The following NTRK3 variants were observed in gnomAD, a reference collection of about 807,000 sequenced individuals.
NTRK3 encodes NT-3 growth factor receptor.
NTRK3 carries 24 observed loss-of-function variants against 91.7 expected under a neutral mutation model. The ratio of observed to expected loss-of-function variants is 0.26; its 90% CI spans 0.19 to 0.37. The LOEUF is 0.37. NTRK3 is among the 10% of genes least tolerant of loss of function. The pLI is 1.00. For synonymous variants in NTRK3, 483 were observed against 404.0 expected (o/e 1.20, Z -2.34); for missense variants, 880 against 1,068.9 (o/e 0.82, Z 2.46).
chr15:87,982,138 C>T (rs1281764805), intron 14 of NTRK3, among the ~76,000 whole-genome samples: 2 of 152,162 alleles, frequency 1.3e-5, no homozygotes, highest in East Asian at 1.9e-4. Context: ...TGAACATGAG[C>T]CCTTTCCCAT....
intron 3 of NTRK3, among the ~76,000 whole-genome samples, chr15:88,229,609 T>A (rs2050995141): frequency 6.6e-6 from 1 of 152,190 alleles, no homozygotes; most frequent in Admixed American, 6.5e-5. Flanking sequence ...TTAACTCTTG[T>A]CAGAGTTAGA....
chr15:88,216,964 T>A (rs1296559320), intron 3 of NTRK3, among the ~76,000 whole-genome samples: 1 of 152,192 alleles, frequency 6.6e-6, no homozygotes, highest in African/African-American at 2.4e-5. Flanking sequence ...GTTTGAAGTT[T>A]GACATTAACA....
chr15:88,013,780 T>C (rs1414519822), intron 14 of NTRK3, among the ~76,000 whole-genome samples: 1 of 152,070 alleles, frequency 6.6e-6, no homozygotes, highest in Non-Finnish European at 1.5e-5. Context: ...GGTAGGTGGA[T>C]TGACTGAGCC....
intron 5 of NTRK3, among the ~76,000 whole-genome samples, chr15:88,148,411 C>T (rs1005566517): frequency 2.0e-5 from 3 of 152,058 alleles, no homozygotes; most frequent in African/African-American, 4.8e-5. Context: ...GTATCAACAC[C>T]GTGATGTAAG....
chr15:88,102,850 A>G (rs539647897), intron 13 of NTRK3, among the ~76,000 whole-genome samples: 1 of 152,156 alleles, frequency 6.6e-6, no homozygotes, highest in Non-Finnish European at 1.5e-5. Context: ...GCCTGTCTCT[A>G]TTAGCTCAAA....
intron 17 of NTRK3, among the ~76,000 whole-genome samples, chr15:87,912,262 G>T (rs1255392922): frequency 6.6e-6 from 1 of 152,188 alleles, no homozygotes; most frequent in African/African-American, 2.4e-5. Context: ...TAGAAAAATA[G>T]ATCATGGAAC....
intron 3 of NTRK3, among the ~76,000 whole-genome samples, chr15:88,249,485 G>A (rs184317580): frequency 3.9e-4 from 59 of 152,278 alleles, no homozygotes; most frequent in African/African-American, 9.1e-4. Context: ...GAGTGTGCCC[G>A]GGAAGAGAAG....
Position 88,235,942 on chromosome 15 carries a change from C to T in NTRK3, c.248+19964G>A, listed in dbSNP as rs986427973. On this transcript the variant is annotated intron_variant, in intron 3 of 18. Transcript: ENST00000394480. The surrounding 1 kb of genome is among the most constrained non-coding windows in gnomAD (Gnocchi z 5.2). Reference sequence around the variant, plus strand: ...AAGGCAAAGATACAAGGTCCTGTTTCGATGAGTCACATAAATGTGTCTCTC... The same window carrying T: ...AAGGCAAAGATACAAGGTCCTGTTTTGATGAGTCACATAAATGTGTCTCTC... Among the ~76,000 whole-genome samples the T allele has an allele frequency of 1.3e-5, 2 of 152,166 alleles. No individual in the cohort carries two copies. Among genetic ancestry groups the T allele is most frequent in the African/African-American group, 2.4e-5 (1 of 41,438 alleles).
chr15:88,175,592 A>G (rs1225400955), intron 5 of NTRK3, among the ~76,000 whole-genome samples: 1 of 152,184 alleles, frequency 6.6e-6, no homozygotes, highest in East Asian at 1.9e-4. Flanking sequence ...GATGATATTG[A>G]TATTGATCAT....
chr15:88,054,701 C>T (rs575963854), intron 13 of NTRK3, among the ~76,000 whole-genome samples: 4 of 152,060 alleles, frequency 2.6e-5, no homozygotes, highest in South Asian at 4.2e-4. Context: ...ATCTCAATTT[C>T]CCCCTGGGTC....
intron 13 of NTRK3, 130 bp from the exon 14 acceptor site, chr15:88,033,175 GTT>G (rs1491533927): frequency 9.0e-6 from 2 of 223,080 alleles, no homozygotes; most frequent in African/African-American, 1.9e-4. Context: ...TGGGGGGTGT[GTT>G]ATATATATAT....
intron 14 of NTRK3, among the ~76,000 whole-genome samples, chr15:88,007,805 T>C (rs1012232435): frequency 5.3e-5 from 8 of 152,186 alleles, no homozygotes; most frequent in Non-Finnish European, 1.0e-4. Context: ...TCTTGGGCAA[T>C]CCACTTGATC....
chr15:88,017,888 C>G (rs1428044637), intron 14 of NTRK3, among the ~76,000 whole-genome samples: 1 of 152,144 alleles, frequency 6.6e-6, no homozygotes, highest in Non-Finnish European at 1.5e-5. Context: ...AGTTTAATCC[C>G]AACACTTCTT....
chr15:87,977,503 T>C lies in NTRK3; in HGVS notation c.1586-36750A>G, dbSNP rs1402238173. The C allele has an allele frequency of 2.7e-5, 6 of 224,422 alleles. No individual in the cohort carries two copies. The East Asian group carries it at 3.8e-4, about 14-fold the overall frequency. 13.9% of individuals were successfully genotyped at this position (224,422 alleles called of 1,614,324 possible). ...AAAAGATGCTGGGATGGATGGAGCC[T>C]GGGAGGCTGGAAATGAGGTAATGAT... is the stretch of plus-strand genomic sequence containing the variant. On this transcript the variant is annotated intron_variant, in intron 14 of 18. Transcript: ENST00000394480.
intron 13 of NTRK3, among the ~76,000 whole-genome samples, chr15:88,049,553 G>T (rs1038014735): frequency 6.6e-6 from 1 of 152,172 alleles, no homozygotes; most frequent in African/African-American, 2.4e-5. Context: ...TAAGCAAAAT[G>T]ATATATGTAA....
intron 3 of NTRK3, among the ~76,000 whole-genome samples, chr15:88,188,024 G>A (rs1282203997): frequency 6.6e-6 from 1 of 152,066 alleles, no homozygotes; most frequent in African/African-American, 2.4e-5. Context: ...TGGTTTCCCT[G>A]TTCCAGGACC....
At chr15:87,979,573 G>A (rs767326416) in intron 14 of NTRK3, 3 of 725,262 alleles carry the variant, frequency 4.1e-6, no homozygotes, top group South Asian at 1.6e-5. Flanking sequence ...AGCTTGAAAG[G>A]GGAAGAACTG....
intron 13 of NTRK3, among the ~76,000 whole-genome samples, chr15:88,060,563 G>A (rs1482306283): frequency 1.3e-5 from 2 of 152,002 alleles, no homozygotes; most frequent in Non-Finnish European, 2.9e-5. Flanking sequence ...GGGGAGACAG[G>A]GTAGAGAGGC....
At chr15:88,128,779 C>G in intron 10 of NTRK3, 45 bp from the exon 11 acceptor site, 10 of 1,547,836 alleles carry the variant, frequency 6.5e-6, no homozygotes, top group Non-Finnish European at 8.9e-6. Context: ...TTAATAAAAA[C>G]CAGAACAGAC....
Sources: allele counts gnomAD v4.1 joint callset (sites outside exome capture counted in the v4.1 genomes callset), GRCh38; gene constraint gnomAD v4.1.1; non-coding constraint Gnocchi (gnomAD v3.1); transcripts MANE v1.5; gene names NCBI Gene and HGNC (gene_info 2026-07-23, HGNC 2026-07-21).